The following UNC5D variants were observed in gnomAD, a reference collection of about 807,000 sequenced individuals.
The protein encoded by UNC5D is unc-5 netrin receptor D.
A neutral mutation model predicts 105.4 loss-of-function variants in UNC5D; 39 were observed. The observed-to-expected ratio is 0.37, with a 90% CI of 0.29 to 0.48. The LOEUF (loss-of-function observed/expected upper bound fraction) is 0.48. Among genes scored for constraint, UNC5D ranks in the 20% least tolerant of loss-of-function variants. The probability of loss-of-function intolerance (pLI) is 0.98; values close to 1 mark genes in which losing one functional copy is unlikely to be tolerated. For synonymous variants in UNC5D, 452 were observed against 450.4 expected, an observed-to-expected ratio of 1.00 and a Z score of -0.04; for missense variants, 991 against 1,202.4, an observed-to-expected ratio of 0.82 and a Z score of 2.60.
At chr8:35,381,206 G>C (rs903400552) in intron 1 of UNC5D, among the ~76,000 whole-genome samples, 13 of 152,152 alleles carry the variant, frequency 8.5e-5, no homozygotes, top group African/African-American at 2.9e-4. Flanking sequence ...AAGAGAAAAC[G>C]TCTAGGAATT....
chr8:35,680,855 A>C (rs953251666), intron 4 of UNC5D, among the ~76,000 whole-genome samples: 1 of 152,234 alleles, frequency 6.6e-6, no homozygotes, highest in Non-Finnish European at 1.5e-5. Flanking sequence ...GAAGCATGAA[A>C]GAAGAGGACA....
chr8:35,736,429 G>A lies in UNC5D; in HGVS notation c.1766+5333G>A, dbSNP rs1022515263. 2.6e-5 allele frequency among the ~76,000 whole-genome samples: 4 copies of A among 152,124 alleles called. No homozygotes were observed. In the East Asian group the frequency reaches 5.8e-4, roughly 22 times the overall value. On this transcript the variant is annotated intron_variant, in intron 11 of 16. Transcript: ENST00000404895. ...CCAAATTACACTCTTTTAATAACTA[G>A]ATGTTACTGAACAGTTATATAAGAA... is the stretch of plus-strand genomic sequence containing the variant.
intron 3 of UNC5D, among the ~76,000 whole-genome samples, chr8:35,583,739 T>C (rs1818601072): frequency 2.0e-5 from 3 of 152,220 alleles, no homozygotes; most frequent in Admixed American, 2.0e-4. Context: ...TCTATATTTT[T>C]AGTTAATGGC....
chr8:35,549,246 T>C, intron 1 of UNC5D, 46 bp from the exon 2 acceptor site: 1 of 1,588,042 alleles, frequency 6.3e-7, no homozygotes, highest in East Asian at 2.2e-5. Context: ...CTGGTGTATG[T>C]GCTATCAATG....
intron 1 of UNC5D, among the ~76,000 whole-genome samples, chr8:35,390,045 C>G (rs1803673486): frequency 6.6e-6 from 1 of 152,202 alleles, no homozygotes; most frequent in African/African-American, 2.4e-5. Context: ...ATGCTGGCAT[C>G]AGCTCAGCTT....
At chr8:35,423,088 T>C (rs1454818710) in intron 1 of UNC5D, among the ~76,000 whole-genome samples, 1 of 152,224 alleles carries the variant, frequency 6.6e-6, no homozygotes, top group African/African-American at 2.4e-5. Context: ...CTTTTGCTTT[T>C]GAGAAGCAGC....
At chr8:35,250,306 G>T (rs1258080485) in intron 1 of UNC5D, among the ~76,000 whole-genome samples, 1 of 151,988 alleles carries the variant, frequency 6.6e-6, no homozygotes, top group Admixed American at 6.6e-5. Flanking sequence ...AGTTCCTCAG[G>T]TTGTTCCCAA....
intron 10 of UNC5D, among the ~76,000 whole-genome samples, chr8:35,728,507 G>T (rs1312011847): frequency 1.3e-5 from 2 of 152,198 alleles, no homozygotes; most frequent in Non-Finnish European, 2.9e-5. Flanking sequence ...CATTTTCAAA[G>T]CTCCTGACAA....
At chr8:35,630,182 C>G (rs1696518036) in intron 4 of UNC5D, among the ~76,000 whole-genome samples, 3 of 152,176 alleles carry the variant, frequency 2.0e-5, no homozygotes, top group South Asian at 4.1e-4. Flanking sequence ...CCGAACTTTA[C>G]TTCTTGTAAG....
rs1815514499 is a variant in UNC5D, at chr8:35,544,605, T to TA, written c.104-4687_104-4686insA. 16 of 1,491,634 alleles carry TA rather than the reference T, an allele frequency of 1.1e-5. No homozygotes were observed. In the East Asian group the frequency reaches 3.8e-4, roughly 35 times the overall value. 92.4% of individuals were successfully genotyped at this position (1,491,634 alleles called of 1,614,324 possible). A position where few individuals can be genotyped will look rare whatever the true frequency, so the allele number is the denominator to read the frequency against. ...TATTCTTTCGTTTTCGTTTTTTTTT[T>TA]TTTTTTTTTTTTTTTGAGACAGAGT... On this transcript the variant is annotated intron_variant, in intron 1 of 16. Coordinates refer to ENST00000404895, the MANE Select transcript of UNC5D (RefSeq NM_080872.4).
intron 1 of UNC5D, among the ~76,000 whole-genome samples, chr8:35,385,275 A>C (rs1803313381): frequency 6.6e-6 from 1 of 151,984 alleles, no homozygotes; most frequent in South Asian, 2.1e-4. Flanking sequence ...TAATGTATTG[A>C]TCTTCCCTAG....
chr8:35,525,222 C>T, intron 1 of UNC5D: 3 of 1,611,624 alleles, frequency 1.9e-6, no homozygotes, highest in Non-Finnish European at 2.5e-6. Context: ...GGCTTGTGAA[C>T]GTTGCAGTAT....
intron 1 of UNC5D, among the ~76,000 whole-genome samples, chr8:35,395,426 T>C (rs1804032431): frequency 6.6e-6 from 1 of 152,304 alleles, no homozygotes; most frequent in East Asian, 1.9e-4. Context: ...ACATTTTCCA[T>C]ATCAAAAAGA....
intron 1 of UNC5D, among the ~76,000 whole-genome samples, chr8:35,238,002 C>A (rs551239299): frequency 8.5e-5 from 13 of 152,254 alleles, no homozygotes; most frequent in Admixed American, 3.3e-4. Context: ...CTTGCCTGAC[C>A]ACTAGTCTCA....
At chr8:35,740,418 GA>G (rs1428740334) in intron 11 of UNC5D, among the ~76,000 whole-genome samples, 2 of 152,154 alleles carry the variant, frequency 1.3e-5, no homozygotes, top group Admixed American at 1.3e-4. Context: ...CTAGAAACTG[GA>G]TTCTCCTAGA....
intron 4 of UNC5D, among the ~76,000 whole-genome samples, chr8:35,671,217 G>A (rs1292104144): frequency 6.6e-6 from 1 of 151,986 alleles, no homozygotes; most frequent in Non-Finnish European, 1.5e-5. Flanking sequence ...TCTTATATTT[G>A]TTTCCTTAAT....
intron 4 of UNC5D, among the ~76,000 whole-genome samples, chr8:35,677,427 GC>G (rs1226305899): frequency 6.6e-6 from 1 of 151,988 alleles, no homozygotes; most frequent in Non-Finnish European, 1.5e-5. Context: ...TACCTCCCTG[GC>G]CCCCAGGAAC....
chr8:35,477,209 C>T (rs907087116), intron 1 of UNC5D, among the ~76,000 whole-genome samples: 7 of 152,158 alleles, frequency 4.6e-5, no homozygotes, highest in African/African-American at 1.7e-4. Flanking sequence ...CGAATTTTAA[C>T]GTGTTCAAGC....
Position 35,674,409 on chromosome 8 carries a change from ATG to A in UNC5D, c.571-9128_571-9127del, listed in dbSNP as rs1220285383. Among the ~76,000 whole-genome samples the A allele has an allele frequency of 1.4e-4, 21 of 151,930 alleles. No homozygotes were observed. The East Asian group carries it at 3.7e-3, about 27-fold the overall frequency. On this transcript the variant is annotated intron_variant, in intron 4 of 16. Coordinates refer to ENST00000404895, the MANE Select transcript of UNC5D (RefSeq NM_080872.4). Reference sequence around the variant, plus strand: ...TAAATGTGTGTGAGTGTGTTTGTGTATGTGTGTGTGTATATATGGTTTAGGCA... The same window carrying A: ...TAAATGTGTGTGAGTGTGTTTGTGTATGTGTGTGTATATATGGTTTAGGCA...
Sources: allele counts gnomAD v4.1 joint callset (sites outside exome capture counted in the v4.1 genomes callset), GRCh38; gene constraint gnomAD v4.1.1; transcripts MANE v1.5; gene names NCBI Gene and HGNC (gene_info 2026-07-23, HGNC 2026-07-21).